Variants in GALNTL6 observed in about 807,000 individuals in gnomAD.
GALNTL6 encodes polypeptide N-acetylgalactosaminyltransferase like 6.
In GALNTL6, 46 loss-of-function variants were observed where a neutral mutation model predicts 73.7. That is an observed-to-expected ratio of 0.62 (90% CI 0.49 to 0.80). The LOEUF (loss-of-function observed/expected upper bound fraction) is 0.80, where lower values mean the gene tolerates loss of function less well. Ranked by LOEUF, GALNTL6 falls within the 30% of genes least tolerant of loss-of-function variation. The pLI is 0.00. For missense variants in GALNTL6, 604 were observed against 755.0 expected, an observed-to-expected ratio of 0.80 and a Z score of 2.34; for synonymous variants, 259 against 263.7, an observed-to-expected ratio of 0.98 and a Z score of 0.17.
intron 2 of GALNTL6, among the ~76,000 whole-genome samples, chr4:172,159,789 GC>G (rs1413332628): frequency 1.3e-5 from 2 of 152,146 alleles, no homozygotes; most frequent in Non-Finnish European, 2.9e-5. Flanking sequence ...AATCATACAT[GC>G]GTTGAAATAA....
At chr4:172,161,390 T>C (rs932733560) in intron 2 of GALNTL6, among the ~76,000 whole-genome samples, 1 of 152,056 alleles carries the variant, frequency 6.6e-6, no homozygotes, top group Non-Finnish European at 1.5e-5. Flanking sequence ...AATTAGAATA[T>C]ATTTTGGAAA....
At chr4:172,600,109 T>C (rs1285006676) in intron 5 of GALNTL6, among the ~76,000 whole-genome samples, 1 of 152,096 alleles carries the variant, frequency 6.6e-6, no homozygotes, top group Non-Finnish European at 1.5e-5. Context: ...ATTCGGACAC[T>C]CTTTTTTTCA....
intron 2 of GALNTL6, among the ~76,000 whole-genome samples, chr4:171,944,272 T>C (rs1738637650): frequency 6.6e-6 from 1 of 152,070 alleles, no homozygotes; most frequent in Non-Finnish European, 1.5e-5. Flanking sequence ...AGGGAAAACA[T>C]TCAGATGCAA....
intron 2 of GALNTL6, among the ~76,000 whole-genome samples, chr4:172,018,014 T>C (rs1366176303): frequency 1.3e-5 from 2 of 152,122 alleles, no homozygotes; most frequent in Middle Eastern, 3.2e-3. Context: ...GCAGTGAAGT[T>C]GTCATGTGAA....
At chr4:171,929,656 C>A (rs1738112781) in intron 2 of GALNTL6, among the ~76,000 whole-genome samples, 1 of 152,202 alleles carries the variant, frequency 6.6e-6, no homozygotes, top group Admixed American at 6.5e-5. Flanking sequence ...TCTGGTCAGA[C>A]CGCACCTCAT....
intron 5 of GALNTL6, among the ~76,000 whole-genome samples, chr4:172,402,269 A>G (rs191000747): frequency 1.1e-4 from 17 of 152,140 alleles, no homozygotes; most frequent in South Asian, 6.2e-4. Flanking sequence ...TGTGATTACT[A>G]AAATGATTTT....
At chr4:172,455,573 G>A (rs1732365288) in intron 5 of GALNTL6, among the ~76,000 whole-genome samples, 2 of 152,290 alleles carry the variant, frequency 1.3e-5, no homozygotes, top group African/African-American at 4.8e-5. Flanking sequence ...TCCCTTCACA[G>A]TGTAAACAAA....
chr4:172,212,207 G>T (rs1483574672), intron 2 of GALNTL6, among the ~76,000 whole-genome samples: 1 of 152,002 alleles, frequency 6.6e-6, no homozygotes, highest in South Asian at 2.1e-4. Flanking sequence ...TGTCACCCAG[G>T]CTGGAGTGCA....
rs1348844067 is a variant in GALNTL6 at position 172,778,657 on chromosome 4, G to C, written c.554-30704G>C. 3.9e-5 allele frequency among the ~76,000 whole-genome samples: 6 copies of C among 152,208 alleles called. No individual in the cohort carries two copies. In the East Asian group the frequency reaches 1.2e-3, roughly 29 times the overall value. ...GGCATGTTTAAATTGGTGGCAATTT[G>C]TAGCAGTATTGGAATCTAGCAGCAA... On this transcript the variant is annotated intron_variant, in intron 5 of 12. Coordinates refer to ENST00000506823, the MANE Select transcript of GALNTL6 (RefSeq NM_001034845.3).
At chr4:172,562,160 G>T (rs1001151515) in intron 5 of GALNTL6, among the ~76,000 whole-genome samples, 6 of 152,052 alleles carry the variant, frequency 3.9e-5, no homozygotes, top group African/African-American at 1.4e-4. Flanking sequence ...CTCTCCTCTG[G>T]TGTTCTAACA....
chr4:173,021,943 A>G (rs1165585323), intron 12 of GALNTL6, among the ~76,000 whole-genome samples: 2 of 151,570 alleles, frequency 1.3e-5, no homozygotes, highest in Non-Finnish European at 2.9e-5. Flanking sequence ...GCAGTGAGCC[A>G]AGATCGTGCC....
chr4:171,883,717 A>G (rs28471029), intron 2 of GALNTL6, among the ~76,000 whole-genome samples: 10 of 150,802 alleles, frequency 6.6e-5, no homozygotes, highest in South Asian at 4.2e-4. Context: ...GCGCTATCTC[A>G]GCTCACTGCA....
intron 5 of GALNTL6, among the ~76,000 whole-genome samples, chr4:172,621,912 G>T (rs1738976616): frequency 6.6e-6 from 1 of 151,896 alleles, no homozygotes; most frequent in African/African-American, 2.4e-5. Flanking sequence ...ACCAAGGTTT[G>T]CTTGGATGTG....
intron 2 of GALNTL6, among the ~76,000 whole-genome samples, chr4:171,850,227 C>A (rs556271539): frequency 2.0e-4 from 30 of 152,316 alleles, no homozygotes; most frequent in African/African-American, 5.3e-4. Context: ...CCACCCCAGC[C>A]TCCCAAGGTG....
chr4:171,814,416 C>T lies in GALNTL6; in HGVS notation c.-165C>T. On this transcript the variant is annotated 5_prime_UTR_variant, in exon 2 of 13. Transcript: ENST00000506823. ...AACTGTGCGTTTGTTCTGCAGATGG[C>T]CAACTCCCTCTGAATCCTGCAGATT... 1.5e-6 allele frequency: 1 copy of T among 658,776 alleles called. No individual in the cohort carries two copies. The highest frequency in any genetic ancestry group is 2.6e-6 in the Non-Finnish European group (1 of 386,580). The allele number at this position is 658,776 out of a possible 1,614,324, so 40.8% of individuals were successfully genotyped here.
chr4:172,786,358 G>A (rs1479121142), intron 5 of GALNTL6, among the ~76,000 whole-genome samples: 1 of 152,180 alleles, frequency 6.6e-6, no homozygotes, highest in African/African-American at 2.4e-5. Flanking sequence ...TAATTATCAT[G>A]ACTCACTTTG....
In GALNTL6 at chr4:171,818,377, A is replaced by T. The variant is rs370790317; in HGVS notation, c.138+3659A>T. Among the ~76,000 whole-genome samples the T allele has an allele frequency of 3.9e-5, 6 of 152,070 alleles. No individual in the cohort carries two copies. The East Asian group carries it at 9.6e-4, about 24-fold the overall frequency. Reference sequence around the variant, plus strand: ...TTTAAAAACCCCAAATTCCAAAAAAAGTAACTGTAATAGTAGTTTAGCAAG... The same window carrying T: ...TTTAAAAACCCCAAATTCCAAAAAATGTAACTGTAATAGTAGTTTAGCAAG... On this transcript the variant is annotated intron_variant, in intron 2 of 12. Coordinates refer to ENST00000506823, the MANE Select transcript of GALNTL6 (RefSeq NM_001034845.3).
At chr4:172,044,164 A>T (rs1252690867) in intron 2 of GALNTL6, among the ~76,000 whole-genome samples, 1 of 151,998 alleles carries the variant, frequency 6.6e-6, no homozygotes, top group African/African-American at 2.4e-5. Context: ...CCCAATTTTA[A>T]CATTCTACCA....
At chr4:172,897,327 A>G (rs759390343) in intron 8 of GALNTL6, among the ~76,000 whole-genome samples, 1 of 152,172 alleles carries the variant, frequency 6.6e-6, no homozygotes, top group African/African-American at 2.4e-5. Flanking sequence ...TGGAGAGTCT[A>G]TTAGGCAGGC....
Sources: gnomAD v4.1 joint callset for allele counts (sites outside exome capture counted in the v4.1 genomes callset) on GRCh38, gnomAD v4.1.1 for gene constraint, MANE v1.5 for transcripts, NCBI Gene and HGNC (gene_info 2026-07-23, HGNC 2026-07-21) for gene names.